Variants in CHAC2 observed in about 807,000 individuals in gnomAD.
CHAC2 encodes glutathione-specific gamma-glutamylcyclotransferase 2.
In CHAC2, 20 loss-of-function variants were observed where a neutral mutation model predicts 16.9. The observed-to-expected ratio is 1.18, with a 90% CI of 0.83 to 1.72. The LOEUF is 1.72. CHAC2 is among the 40% of genes most tolerant of loss of function. CHAC2 has a pLI of 0.00. For missense variants in CHAC2, 269 were observed against 222.2 expected, an observed-to-expected ratio of 1.21 and a Z score of -1.34; for synonymous variants, 91 against 77.3, an observed-to-expected ratio of 1.18 and a Z score of -0.93.
chr2:53,770,028 C>G (rs1208020573), intron 1 of CHAC2, among the ~76,000 whole-genome samples: 3 of 152,182 alleles, frequency 2.0e-5, no homozygotes, highest in African/African-American at 7.2e-5. Flanking sequence ...CCACAGCACA[C>G]AGTAGCTATG....
intron 1 of CHAC2, 115 bp downstream of exon 1, chr2:53,768,136 A>T: frequency 8.2e-7 from 1 of 1,223,530 alleles, no homozygotes; most frequent in Middle Eastern, 2.6e-4. Flanking sequence ...GGGCCAAAGC[A>T]CATGGCTTGG....
Position 53,771,950 on chromosome 2 carries a change from A to G in CHAC2, c.171+8A>G. On this transcript the variant is annotated splice_region_variant and intron_variant, in intron 2 of 2. Transcript: ENST00000295304. ...CTTGTTGAAGATCCTGCGGTATGGTATAAATATTCTTTTTTGTATAATTTT... is the reference window on the plus strand; with the variant it reads ...CTTGTTGAAGATCCTGCGGTATGGTGTAAATATTCTTTTTTGTATAATTTT... The G allele has an allele frequency of 6.8e-7, 1 of 1,470,064 alleles. No homozygotes were observed. The highest frequency in any genetic ancestry group is 9.2e-7 in the Non-Finnish European group (1 of 1,083,206). 91.1% of individuals were successfully genotyped at this position (1,470,064 alleles called of 1,614,324 possible). A position where few individuals can be genotyped will look rare whatever the true frequency, so the allele number is the denominator to read the frequency against.
intron 1 of CHAC2, among the ~76,000 whole-genome samples, chr2:53,770,943 A>G (rs1370470340): frequency 1.3e-5 from 2 of 152,232 alleles, no homozygotes; most frequent in Admixed American, 1.3e-4. Context: ...ATAACTCAGA[A>G]GTGTAAATCA....
rs901422519 is a variant in CHAC2 at position 53,774,628 on chromosome 2, CTTTTA to C, written c.*109_*113del. 5 of 842,974 alleles carry C rather than the reference CTTTTA, an allele frequency of 5.9e-6. No homozygotes were observed. The highest frequency in any genetic ancestry group is 8.5e-6 in the Non-Finnish European group (5 of 586,034). The allele number at this position is 842,974 out of a possible 1,614,324, so 52.2% of individuals were successfully genotyped here. ...TAATGTAGTGAGGATATTATTTAAA[CTTTTA>C]TTTTAACTGGAAATGTCCTGAAACA... On this transcript the variant is annotated 3_prime_UTR_variant, in exon 3 of 3. Transcript: ENST00000295304.
intron 2 of CHAC2, among the ~76,000 whole-genome samples, chr2:53,773,594 C>A (rs1674100617): frequency 6.6e-6 from 1 of 152,028 alleles, no homozygotes. Context: ...CTGTGCCTGA[C>A]TAATTTTTGT....
chr2:53,773,313 T>C (rs1674076625), intron 2 of CHAC2, among the ~76,000 whole-genome samples: 1 of 150,246 alleles, frequency 6.7e-6, no homozygotes, highest in Non-Finnish European at 1.5e-5. Context: ...ATAAAATATC[T>C]TGCTGTGCCT....
chr2:53,768,004 C>T lies in CHAC2; in HGVS notation c.118C>T (p.Arg40Cys). ...RRFWQGSTDHRGVPGKPGRVV... is the reference protein window; with the variant it reads ...RRFWQGSTDHCGVPGKPGRVV... The stretch of plus-strand genomic sequence containing the variant: ...CTTCTGGCAGGGCAGCACGGACCAC[C>T]GCGGGGTCCCCGGCAAGGTGAGGCG... Residue 40 changes from arginine to cysteine, a missense_variant, in exon 1 of 3, where the codon CGC becomes TGC. Arg to Cys is a radical substitution (Grantham distance 180, BLOSUM62 -3). Coordinates refer to ENST00000295304, the MANE Select transcript of CHAC2 (RefSeq NM_001008708.4). 1 of 1,613,674 alleles carries T rather than the reference C, an allele frequency of 6.2e-7. No homozygotes were observed. The highest frequency in any genetic ancestry group is 1.1e-5 in the South Asian group (1 of 91,082).
intron 2 of CHAC2, 92 bp from the exon 3 acceptor site, chr2:53,774,050 G>C: frequency 7.6e-7 from 1 of 1,319,708 alleles, no homozygotes; most frequent in Non-Finnish European, 1.0e-6. Flanking sequence ...AAACAGAAAA[G>C]AATATATGAG....
Position 53,774,552 on chromosome 2 carries a change from T to C in CHAC2, c.*27T>C, listed in dbSNP as rs756144860. 6.8e-7 allele frequency: 1 copy of C among 1,463,920 alleles called. No homozygotes were observed. The highest frequency in any genetic ancestry group is 2.3e-5 in the East Asian group (1 of 43,360). The allele number at this position is 1,463,920 out of a possible 1,614,324, so 90.7% of individuals were successfully genotyped here. ...TTAGTCTTCAGAGAATTAACTTCAG[T>C]GCACAATGACAATATGATTTGGAAA... On this transcript the variant is annotated 3_prime_UTR_variant, in exon 3 of 3. Coordinates refer to ENST00000295304, the MANE Select transcript of CHAC2 (RefSeq NM_001008708.4).
Position 53,767,964 on chromosome 2 carries a change from C to G in CHAC2, c.78C>G (p.Thr26=). The change falls in exon 1 of 3, where the codon ACC becomes ACG. Residue 26 remains threonine, a synonymous_variant. Coordinates refer to ENST00000295304, the MANE Select transcript of CHAC2 (RefSeq NM_001008708.4). The part of the protein sequence containing the change: ...PYQDKLVGYI[T]NYSRRFWQGS... Reference sequence around the variant, plus strand: ...AGGACAAGCTGGTCGGATACATCACCAACTACAGCAGGCGCTTCTGGCAGG... The same window carrying G: ...AGGACAAGCTGGTCGGATACATCACGAACTACAGCAGGCGCTTCTGGCAGG... 13 of 1,614,128 alleles carry G rather than the reference C, an allele frequency of 8.1e-6. No individual in the cohort carries two copies. The highest frequency in any genetic ancestry group is 1.1e-5 in the Non-Finnish European group (13 of 1,180,010).
chr2:53,774,393 T>C lies in CHAC2; in HGVS notation c.423T>C (p.Asn141=), dbSNP rs1251522329. ...IFNAAGPSGR[N]TEYLFELANS... ...ATGCAGCTGGTCCAAGTGGAAGAAA[T>C]ACAGAATATCTTTTTGAACTTGCAA... Residue 141 remains asparagine, a synonymous_variant, in exon 3 of 3, where the codon AAT becomes AAC. Transcript: ENST00000295304. 6.2e-7 allele frequency: 1 copy of C among 1,613,452 alleles called. No individual in the cohort carries two copies. The highest frequency in any genetic ancestry group is 8.5e-7 in the Non-Finnish European group (1 of 1,179,896).
rs569255251 is a variant in CHAC2, at chr2:53,774,575, A to C, written c.*50A>C. On this transcript the variant is annotated 3_prime_UTR_variant, in exon 3 of 3. Coordinates refer to ENST00000295304, the MANE Select transcript of CHAC2 (RefSeq NM_001008708.4). ...AGTGCACAATGACAATATGATTTGGAAATACGTTTACTTAAAGATCTTATT... is the reference window on the plus strand; with the variant it reads ...AGTGCACAATGACAATATGATTTGGCAATACGTTTACTTAAAGATCTTATT... The C allele has an allele frequency of 3.8e-6, 5 of 1,317,290 alleles. No individual in the cohort carries two copies. In the South Asian group the frequency reaches 8.2e-5, roughly 22 times the overall value. 81.6% of individuals were successfully genotyped at this position (1,317,290 alleles called of 1,614,324 possible). A position where few individuals can be genotyped will look rare whatever the true frequency, so the allele number is the denominator to read the frequency against.
intron 1 of CHAC2, among the ~76,000 whole-genome samples, chr2:53,770,789 C>G (rs763325067): frequency 2.6e-5 from 4 of 152,150 alleles, no homozygotes; most frequent in Non-Finnish European, 5.9e-5. Context: ...CACAAGTGGT[C>G]TGATTGTCCC....
At chr2:53,770,523 A>T in intron 1 of CHAC2, among the ~76,000 whole-genome samples, 1 of 131,490 alleles carries the variant, frequency 7.6e-6, no homozygotes, top group African/African-American at 2.9e-5. Flanking sequence ...AAAAAAAAAA[A>T]GCTTGCAGGC....
At chr2:53,771,432 G>A (rs1040061422) in intron 1 of CHAC2, among the ~76,000 whole-genome samples, 33 of 152,138 alleles carry the variant, frequency 2.2e-4, no homozygotes, top group African/African-American at 8.0e-4. Flanking sequence ...AGAATTGCTT[G>A]AGCCCGAGAG....
intron 1 of CHAC2, among the ~76,000 whole-genome samples, chr2:53,768,713 TA>T (rs1558571586): frequency 6.6e-6 from 1 of 152,236 alleles, no homozygotes; most frequent in Non-Finnish European, 1.5e-5. Context: ...TTCTCATAAT[TA>T]TAATATGAAA....
At chr2:53,770,858 A>C (rs974282440) in intron 1 of CHAC2, among the ~76,000 whole-genome samples, 1 of 152,224 alleles carries the variant, frequency 6.6e-6, no homozygotes, top group African/African-American at 2.4e-5. Context: ...GGGCAAAGTA[A>C]AGTTCATTTA....
At chr2:53,770,426 C>T (rs1247097114) in intron 1 of CHAC2, among the ~76,000 whole-genome samples, 1 of 149,396 alleles carries the variant, frequency 6.7e-6, no homozygotes, top group African/African-American at 2.5e-5. Flanking sequence ...GCTTATGACT[C>T]AGCATTCCCA....
In CHAC2 at chr2:53,767,888, TGTGG is replaced by T; in HGVS notation, c.5_8del (p.Trp2_?3). 6.2e-7 allele frequency: 1 copy of T among 1,609,946 alleles called. No homozygotes were observed. The highest frequency in any genetic ancestry group is 1.7e-5 in the Admixed American group (1 of 59,280). On this transcript the variant is annotated frameshift_variant and start_lost, in exon 1 of 3. Coordinates refer to ENST00000295304, the MANE Select transcript of CHAC2 (RefSeq NM_001008708.4). LOFTEE classifies it high-confidence loss of function. ...CTGGGGCAGAGGAGCCGCGAGAAGA[TGTGG>T]GTTTTTGGTTACGGGTCCCTGATCT...
Sources: allele counts gnomAD v4.1 joint callset (sites outside exome capture counted in the v4.1 genomes callset), GRCh38; gene constraint gnomAD v4.1.1; transcripts MANE v1.5; gene names NCBI Gene and HGNC (gene_info 2026-07-23, HGNC 2026-07-21).